Variants in ATP10A observed in about 807,000 individuals in gnomAD.
ATP10A encodes ATPase phospholipid transporting 10A (putative).
Under a neutral mutation model 147.8 loss-of-function variants are expected in ATP10A, and 111 were observed. The observed-to-expected ratio is 0.75, with a 90% CI of 0.64 to 0.88. The LOEUF (loss-of-function observed/expected upper bound fraction) is 0.88, where lower values mean the gene tolerates loss of function less well. ATP10A is among the 40% of genes least tolerant of loss of function. The pLI is 0.00. For synonymous variants in ATP10A, 875 were observed against 841.6 expected (o/e 1.04, Z -0.69); for missense variants, 1,927 against 1,959.0 (o/e 0.98, Z 0.31).
At chr15:25,682,997 A>G (rs1038037513) in intron 17 of ATP10A, among the ~76,000 whole-genome samples, 2 of 152,096 alleles carry the variant, frequency 1.3e-5, no homozygotes, top group African/African-American at 4.8e-5. Flanking sequence ...CTTGCTTTAG[A>G]AAAATCCCCC....
chr15:25,673,005 T>A (rs972464883), downstream of ATP10A, among the ~76,000 whole-genome samples: 8 of 151,950 alleles, frequency 5.3e-5, no homozygotes, highest in Admixed American at 4.6e-4. Context: ...AAGCGTAACA[T>A]CCTGGGGTGG....
At chr15:25,750,104 C>G (rs544602620) in intron 2 of ATP10A, among the ~76,000 whole-genome samples, 1 of 151,844 alleles carries the variant, frequency 6.6e-6, no homozygotes, top group Admixed American at 6.6e-5. Flanking sequence ...ACCTACAGAT[C>G]CAAGAATCTC....
chr15:25,692,180 G>A (rs557344481), intron 14 of ATP10A, among the ~76,000 whole-genome samples: 7 of 152,060 alleles, frequency 4.6e-5, no homozygotes, highest in Non-Finnish European at 8.8e-5. Context: ...CACACTTCCC[G>A]GGCAGTTTCT....
At chr15:25,766,154 G>A (rs1889013416) in intron 2 of ATP10A, among the ~76,000 whole-genome samples, 1 of 152,168 alleles carries the variant, frequency 6.6e-6, no homozygotes, top group Admixed American at 6.5e-5. Flanking sequence ...ATCAGGTCTA[G>A]TGAGACTTAT....
intron 7 of ATP10A, among the ~76,000 whole-genome samples, chr15:25,718,903 C>A (rs1008159008): frequency 2.6e-5 from 4 of 152,144 alleles, no homozygotes; most frequent in Admixed American, 1.3e-4. Flanking sequence ...CCAGATTGCA[C>A]AGCTTGGACC....
chr15:25,806,520 G>T (rs1271742107), intron 1 of ATP10A, among the ~76,000 whole-genome samples: 1 of 151,994 alleles, frequency 6.6e-6, no homozygotes, highest in Non-Finnish European at 1.5e-5. Context: ...CACGGTGTTA[G>T]CCAGGATGGT....
In ATP10A at chr15:25,863,176, C is replaced by A; in HGVS notation, c.-80G>T. On this transcript the variant is annotated 5_prime_UTR_variant, in exon 1 of 21. Transcript: ENST00000555815. ...CTCTTAGGTTATCATCACTCGCGGC[C>A]CGGGCGCGGCGGTGCGAGCTCCCCG... 1.0e-6 allele frequency: 1 copy of A among 1,002,580 alleles called. No individual in the cohort carries two copies. Among genetic ancestry groups the A allele is most frequent in the Non-Finnish European group, 1.2e-6 (1 of 822,960 alleles). The allele number at this position is 1,002,580 out of a possible 1,614,324, so 62.1% of individuals were successfully genotyped here. A position where few individuals can be genotyped will look rare whatever the true frequency, so the allele number is the denominator to read the frequency against.
rs184258715 is a variant in ATP10A, at chr15:25,699,635, G to A, written c.2760+2281C>T. Reference sequence around the variant, plus strand: ...TATAATCTCAGCACTTTGAGAGGCCGAGGCAGGACAATCACTTGAGTTCAG... The same window carrying A: ...TATAATCTCAGCACTTTGAGAGGCCAAGGCAGGACAATCACTTGAGTTCAG... On this transcript the variant is annotated intron_variant, in intron 13 of 20. Coordinates refer to ENST00000555815, the MANE Select transcript of ATP10A (RefSeq NM_024490.4). Among the ~76,000 whole-genome samples, 117 of 152,254 alleles carry A rather than the reference G, an allele frequency of 7.7e-4. 1 individual carries two copies. The highest frequency in any genetic ancestry group is 7.3e-3 in the East Asian group (38 of 5,178).
At chr15:25,824,803 T>G (rs1892049453) in intron 1 of ATP10A, among the ~76,000 whole-genome samples, 1 of 152,182 alleles carries the variant, frequency 6.6e-6, no homozygotes, top group East Asian at 1.9e-4. Context: ...AACAGTGAGC[T>G]TTGTAGCGTT....
intron 2 of ATP10A, among the ~76,000 whole-genome samples, chr15:25,756,773 T>G (rs779181671): frequency 6.6e-6 from 1 of 152,252 alleles, no homozygotes; most frequent in Non-Finnish European, 1.5e-5. Flanking sequence ...TAAACAAAAC[T>G]GGTTTAATGT....
intron 6 of ATP10A, 54 bp from the exon 7 acceptor site, chr15:25,721,963 G>A (rs1482548669): frequency 1.2e-5 from 19 of 1,546,372 alleles, no homozygotes; most frequent in Non-Finnish European, 1.4e-5. Flanking sequence ...GGGAGCTGGG[G>A]AATTACTCAA....
chr15:25,803,092 C>A (rs544858368), intron 1 of ATP10A, among the ~76,000 whole-genome samples: 37 of 152,252 alleles, frequency 2.4e-4, no homozygotes, highest in African/African-American at 8.7e-4. Context: ...CTGGCAAATC[C>A]GGGTCACGAG....
intron 5 of ATP10A, among the ~76,000 whole-genome samples, chr15:25,725,135 A>C (rs1391143890): frequency 6.6e-6 from 1 of 152,074 alleles, no homozygotes; most frequent in Non-Finnish European, 1.5e-5. Context: ...TTCAATTCTC[A>C]CAGGAGCACG....
rs571824557 is a variant in ATP10A at position 25,809,908 on chromosome 15, C to T, written c.450-28685G>A. ...GGTCACCCATGAAGAAGTGGCCTGC[C>T]CTGGTAGTCACAGGTTCCAAGTCGC... On this transcript the variant is annotated intron_variant, in intron 1 of 20. Coordinates refer to ENST00000555815, the MANE Select transcript of ATP10A (RefSeq NM_024490.4). 9.2e-5 allele frequency among the ~76,000 whole-genome samples: 14 copies of T among 152,198 alleles called. 1 individual carries two copies. In the South Asian group the frequency reaches 2.9e-3, roughly 32 times the overall value.
At chr15:25,678,685 A>G (rs1218960628), downstream of ATP10A, 1 of 152,238 alleles carries the variant, frequency 6.6e-6, no homozygotes, top group Non-Finnish European at 1.5e-5. Context: ...ATCATTTCAT[A>G]CACCAGTGGT....
chr15:25,694,456 T>A (rs1900202017), intron 14 of ATP10A, among the ~76,000 whole-genome samples: 1 of 152,198 alleles, frequency 6.6e-6, no homozygotes, highest in Admixed American at 6.5e-5. Flanking sequence ...AAGGACCTTC[T>A]AAGTTGGCCT....
intron 15 of ATP10A, among the ~76,000 whole-genome samples, chr15:25,691,167 T>A (rs1188395431): frequency 2.0e-5 from 3 of 152,194 alleles, no homozygotes; most frequent in African/African-American, 7.2e-5. Context: ...TGTTGGAAAC[T>A]GTTGTAATAC....
intron 1 of ATP10A, among the ~76,000 whole-genome samples, chr15:25,830,054 T>G (rs971364069): frequency 4.6e-5 from 7 of 151,872 alleles, no homozygotes; most frequent in African/African-American, 1.7e-4. Context: ...TGGAGGGAGA[T>G]GGAGGTGGTT....
intron 13 of ATP10A, among the ~76,000 whole-genome samples, chr15:25,701,590 C>G (rs193075904): frequency 1.4e-3 from 210 of 152,312 alleles, no homozygotes; most frequent in Admixed American, 1.2e-3. Flanking sequence ...CTGAGGTGGT[C>G]AGTGCTAAAT....
Sources: gnomAD v4.1 joint callset for allele counts (sites outside exome capture counted in the v4.1 genomes callset) on GRCh38, gnomAD v4.1.1 for gene constraint, MANE v1.5 for transcripts, NCBI Gene and HGNC (gene_info 2026-07-23, HGNC 2026-07-21) for gene names.